The following SMYD3 variants were observed in gnomAD, a reference collection of about 807,000 sequenced individuals.
SMYD3 encodes SET and MYND domain containing 3.
Under a neutral mutation model 57.7 loss-of-function variants are expected in SMYD3, and 36 were observed. The ratio of observed to expected loss-of-function variants is 0.62; its 90% CI spans 0.48 to 0.82. The LOEUF (loss-of-function observed/expected upper bound fraction) is 0.82, where lower values mean the gene tolerates loss of function less well. Ranked by LOEUF, SMYD3 falls within the 40% of genes least tolerant of loss-of-function variation. The probability of loss-of-function intolerance (pLI) is 0.00; values close to 1 mark genes in which losing one functional copy is unlikely to be tolerated. For missense variants in SMYD3, 515 were observed against 538.8 expected (o/e 0.96, Z 0.44); for synonymous variants, 211 against 195.0 (o/e 1.08, Z -0.68).
At chr1:246,108,506 T>G (rs1187037646) in intron 5 of SMYD3, 1 of 152,182 alleles carries the variant, frequency 6.6e-6, no homozygotes, top group Non-Finnish European at 1.5e-5. Context: ...GGTGGACTAT[T>G]TAAATATCAT....
At chr1:246,444,798 A>C (rs1255093754) in intron 1 of SMYD3, among the ~76,000 whole-genome samples, 3 of 152,228 alleles carry the variant, frequency 2.0e-5, no homozygotes, top group Non-Finnish European at 4.4e-5. Flanking sequence ...GAAGCCAGGC[A>C]CACAAAACGC....
chr1:246,066,670 T>C (rs997848588), intron 5 of SMYD3, among the ~76,000 whole-genome samples: 1 of 152,236 alleles, frequency 6.6e-6, no homozygotes, highest in African/African-American at 2.4e-5. Flanking sequence ...TTAAAATCCT[T>C]GCTAATTGCT....
chr1:246,215,672 A>G (rs1264598443), intron 5 of SMYD3, among the ~76,000 whole-genome samples: 1 of 152,154 alleles, frequency 6.6e-6, no homozygotes. Flanking sequence ...TGGGCTGAGC[A>G]GCAGCATGCC....
At chr1:246,443,622 A>G (rs1025834473) in intron 1 of SMYD3, among the ~76,000 whole-genome samples, 11 of 152,360 alleles carry the variant, frequency 7.2e-5, no homozygotes, top group African/African-American at 2.4e-4. Flanking sequence ...GTGGCAGGGA[A>G]GATGGGCACA....
At chr1:246,400,412 T>C (rs1467692432) in intron 1 of SMYD3, among the ~76,000 whole-genome samples, 2 of 152,106 alleles carry the variant, frequency 1.3e-5, no homozygotes, top group African/African-American at 4.8e-5. Context: ...TGTTTGTTTA[T>C]TTTTTTTGAA....
rs562436770 is a variant in SMYD3, at chr1:246,144,145, G to A, written c.531+183056C>T. Among the ~76,000 whole-genome samples, 9 of 152,258 alleles carry A rather than the reference G, an allele frequency of 5.9e-5. No homozygotes were observed. In the South Asian group the frequency reaches 1.5e-3, roughly 25 times the overall value. On this transcript the variant is annotated intron_variant, in intron 5 of 11. Transcript: ENST00000490107. The stretch of plus-strand genomic sequence containing the variant: ...CCCTGTCGAGCTGACAAGAGCTGAC[G>A]GATACACCCGCCAGAGGACTACTAA...
intron 5 of SMYD3, among the ~76,000 whole-genome samples, chr1:246,253,653 T>C (rs2063831234): frequency 1.3e-5 from 2 of 152,336 alleles, no homozygotes; most frequent in Middle Eastern, 3.4e-3. Flanking sequence ...TGTTTTCTAG[T>C]TCTTGTAAAA....
intron 5 of SMYD3, among the ~76,000 whole-genome samples, chr1:246,280,210 T>A (rs1770020): frequency 6.6e-6 from 1 of 152,050 alleles, no homozygotes; most frequent in Non-Finnish European, 1.5e-5. Context: ...ACATTTCATA[T>A]GCAAGCTATA....
At chr1:245,754,304 T>G (rs1454360330) in intron 11 of SMYD3, among the ~76,000 whole-genome samples, 1 of 152,158 alleles carries the variant, frequency 6.6e-6, no homozygotes, top group African/African-American at 2.4e-5. Flanking sequence ...AAACAGTTTC[T>G]ACCATGAGCT....
At chr1:246,174,570 T>C (rs938548533) in intron 5 of SMYD3, among the ~76,000 whole-genome samples, 3 of 152,086 alleles carry the variant, frequency 2.0e-5, no homozygotes, top group Non-Finnish European at 4.4e-5. Context: ...CCTCAGCCTC[T>C]TGAGTAGCTG....
intron 5 of SMYD3, among the ~76,000 whole-genome samples, chr1:246,271,725 C>T (rs1047278646): frequency 6.6e-6 from 1 of 152,156 alleles, no homozygotes; most frequent in African/African-American, 2.4e-5. Flanking sequence ...TTGAAATCAG[C>T]ACATTGAGTC....
intron 5 of SMYD3, among the ~76,000 whole-genome samples, chr1:246,314,183 G>A (rs2065121951): frequency 6.6e-6 from 1 of 152,122 alleles, no homozygotes; most frequent in African/African-American, 2.4e-5. Flanking sequence ...CAGAAATCCT[G>A]ATTAAATAAT....
intron 9 of SMYD3, among the ~76,000 whole-genome samples, chr1:245,860,146 TCAG>T (rs68052983): frequency 0.62 from 94,467 of 151,520 alleles, 30,816 homozygotes; most frequent in Non-Finnish European, 0.73. Flanking sequence ...TTGACTGAAC[TCAG>T]TGCCCCCTTC....
chr1:245,952,846 A>G (rs7349145), intron 5 of SMYD3, among the ~76,000 whole-genome samples: 111,969 of 152,014 alleles, frequency 0.74, 44,418 homozygotes, highest in Non-Finnish European at 0.89. Flanking sequence ...CTCCCCACAT[A>G]CCCTCAAGTG....
At chr1:245,839,420 C>T (rs556469239) in intron 10 of SMYD3, among the ~76,000 whole-genome samples, 9 of 152,028 alleles carry the variant, frequency 5.9e-5, no homozygotes, top group African/African-American at 1.9e-4. Flanking sequence ...CCGCCCACCT[C>T]GGCCTCCCAA....
chr1:246,299,393 C>T (rs925869529), intron 5 of SMYD3, among the ~76,000 whole-genome samples: 6 of 152,022 alleles, frequency 3.9e-5, no homozygotes, highest in African/African-American at 1.4e-4. Context: ...AACTGTTGGT[C>T]GGAGTGTAGG....
intron 9 of SMYD3, among the ~76,000 whole-genome samples, chr1:245,860,102 C>T (rs940857445): frequency 1.8e-4 from 28 of 152,080 alleles, no homozygotes; most frequent in Non-Finnish European, 3.1e-4. Context: ...CTGAGCCTGA[C>T]TGGGCTTAAA....
intron 5 of SMYD3, among the ~76,000 whole-genome samples, chr1:246,150,090 A>G (rs36027904): frequency 6.6e-6 from 1 of 152,240 alleles, no homozygotes; most frequent in Non-Finnish European, 1.5e-5. Flanking sequence ...AGAAAACATC[A>G]CAGTAACATT....
At chr1:246,133,924 C>T (rs2061626556) in intron 5 of SMYD3, among the ~76,000 whole-genome samples, 1 of 152,130 alleles carries the variant, frequency 6.6e-6, no homozygotes, top group Non-Finnish European at 1.5e-5. Flanking sequence ...TATTAAACCA[C>T]TTCCATCTTT....
Sources: gnomAD v4.1 joint callset for allele counts (sites outside exome capture counted in the v4.1 genomes callset) on GRCh38, gnomAD v4.1.1 for gene constraint, MANE v1.5 for transcripts, NCBI Gene and HGNC (gene_info 2026-07-23, HGNC 2026-07-21) for gene names.